CSMD1: variants seen among roughly 807,000 people sequenced by gnomAD.
CSMD1 encodes CUB and sushi domain-containing protein 1.
CSMD1 carries 213 observed loss-of-function variants against 417.5 expected under a neutral mutation model. The observed-to-expected ratio is 0.51, with a 90% CI of 0.46 to 0.57. The LOEUF (loss-of-function observed/expected upper bound fraction) is 0.57. CSMD1 is among the 20% of genes least tolerant of loss of function. CSMD1 has a pLI of 0.00. For missense variants in CSMD1, 6,923 were observed against 4,529.7 expected, an observed-to-expected ratio of 1.53 and a Z score of -15.17; for synonymous variants, 2,862 against 1,736.8, an observed-to-expected ratio of 1.65 and a Z score of -16.11.
chr8:3,628,305 T>C (rs954156828), intron 7 of CSMD1, among the ~76,000 whole-genome samples: 3 of 152,170 alleles, frequency 2.0e-5, no homozygotes, highest in East Asian at 3.9e-4. Context: ...TTGCAGCCCA[T>C]GCACACTTCT....
intron 1 of CSMD1, among the ~76,000 whole-genome samples, chr8:4,845,176 A>G (rs1801071868): frequency 6.6e-6 from 1 of 152,226 alleles, no homozygotes; most frequent in African/African-American, 2.4e-5. Flanking sequence ...TGAGAAGTAG[A>G]GTATAACACA....
intron 1 of CSMD1, among the ~76,000 whole-genome samples, chr8:4,832,608 T>A (rs1800219536): frequency 6.6e-6 from 1 of 152,188 alleles, no homozygotes; most frequent in Non-Finnish European, 1.5e-5. Context: ...AGCTGACACT[T>A]AGGGATTATA....
chr8:3,676,031 T>C (rs955179647), intron 7 of CSMD1, among the ~76,000 whole-genome samples: 2 of 152,246 alleles, frequency 1.3e-5, no homozygotes, highest in Non-Finnish European at 2.9e-5. Flanking sequence ...TTATCATTTA[T>C]GACAAATATA....
At chr8:3,577,732 A>G (rs1030748429) in intron 9 of CSMD1, among the ~76,000 whole-genome samples, 2 of 152,112 alleles carry the variant, frequency 1.3e-5, no homozygotes, top group Non-Finnish European at 2.9e-5. Flanking sequence ...TACTTTCTCA[A>G]TGTTTGCCTT....
At chr8:4,740,021 G>A (rs1389461238) in intron 1 of CSMD1, among the ~76,000 whole-genome samples, 2 of 152,052 alleles carry the variant, frequency 1.3e-5, no homozygotes. Flanking sequence ...CTGAGCTTCA[G>A]CATCCTGGCA....
Position 3,348,079 on chromosome 8 carries a change from C to G in CSMD1, c.3387G>C (p.Glu1129Asp). 3 of 1,612,392 alleles carry G rather than the reference C, an allele frequency of 1.9e-6. No individual in the cohort carries two copies. Among genetic ancestry groups the G allele is most frequent in the South Asian group, 1.1e-5 (1 of 90,864 alleles). ...NFPSNYDNNH[E>D]CIYKIETEAG... ...CTTCTGTTTCTATTTTATAGATACA[C>G]TCATGGTTATTATCATAATTGGATG... The change falls in exon 22 of 70, where the codon GAG becomes GAC. Residue 1129 changes from glutamate to aspartate, a missense_variant. By Grantham distance (45) the Glu-to-Asp change is conservative. Coordinates refer to ENST00000635120, the MANE Select transcript of CSMD1 (RefSeq NM_033225.6).
At chr8:3,260,249 A>T (rs572134469) in intron 26 of CSMD1, among the ~76,000 whole-genome samples, 9 of 152,062 alleles carry the variant, frequency 5.9e-5, no homozygotes, top group African/African-American at 2.2e-4. Context: ...CATTTTCTCA[A>T]AGTTGCTCTT....
chr8:3,703,626 A>G (rs1800998567), intron 7 of CSMD1, among the ~76,000 whole-genome samples: 1 of 152,178 alleles, frequency 6.6e-6, no homozygotes, highest in Non-Finnish European at 1.5e-5. Flanking sequence ...TAGGTCTGGT[A>G]GAAAAATTTC....
chr8:3,643,516 C>T (rs1033698313), intron 7 of CSMD1, among the ~76,000 whole-genome samples: 4 of 151,830 alleles, frequency 2.6e-5, no homozygotes, highest in Admixed American at 2.6e-4. Flanking sequence ...TCCTGGCTAA[C>T]ACAGTGAAAT....
At chr8:3,983,145 T>TTTTTTTTTTTTTG (rs1814024325) in intron 5 of CSMD1, among the ~76,000 whole-genome samples, 1 of 149,932 alleles carries the variant, frequency 6.7e-6, no homozygotes. Context: ...CTTTTTTTTT[T>TTTTTTTTTTTTTG]TTTGAGACGG....
At chr8:3,264,514 T>A (rs147340447) in intron 26 of CSMD1, among the ~76,000 whole-genome samples, 121 of 152,314 alleles carry the variant, frequency 7.9e-4, no homozygotes, top group African/African-American at 2.7e-3. Context: ...ATTTGAGAAC[T>A]GCACACTGAA....
chr8:3,198,704 T>A (rs1458773540), intron 33 of CSMD1, among the ~76,000 whole-genome samples: 4 of 152,162 alleles, frequency 2.6e-5, no homozygotes, highest in African/African-American at 9.7e-5. Flanking sequence ...ATTTCCCAAT[T>A]TGAGATGATT....
chr8:4,367,007 C>T (rs886446976), intron 3 of CSMD1, among the ~76,000 whole-genome samples: 1 of 152,262 alleles, frequency 6.6e-6, no homozygotes, highest in South Asian at 2.1e-4. Context: ...TCTGCTTACT[C>T]TGTTGATAAC....
intron 4 of CSMD1, among the ~76,000 whole-genome samples, chr8:4,003,677 T>C (rs1815880190): frequency 6.6e-6 from 1 of 152,206 alleles, no homozygotes; most frequent in African/African-American, 2.4e-5. Context: ...GATCTAGTTG[T>C]ATGTTCCTAA....
At chr8:4,660,114 C>CAA (rs33982434) in intron 1 of CSMD1, among the ~76,000 whole-genome samples, 3,065 of 122,652 alleles carry the variant, frequency 0.025, 102 homozygotes, top group Admixed American at 0.093. Flanking sequence ...TCAACCAGTG[C>CAA]AAAAAAAAAA....
At chr8:4,739,515 G>T (rs986056572) in intron 1 of CSMD1, among the ~76,000 whole-genome samples, 4 of 152,128 alleles carry the variant, frequency 2.6e-5, no homozygotes, top group Admixed American at 2.6e-4. Flanking sequence ...TCTGTGCTGT[G>T]ACTCAATGAT....
At chr8:3,793,753 G>C (rs972081422) in intron 5 of CSMD1, among the ~76,000 whole-genome samples, 1 of 151,972 alleles carries the variant, frequency 6.6e-6, no homozygotes, top group Non-Finnish European at 1.5e-5. Flanking sequence ...GATCTCTCTG[G>C]AACTGGTAGG....
intron 1 of CSMD1, among the ~76,000 whole-genome samples, chr8:4,790,490 T>G (rs1372137821): frequency 1.3e-5 from 2 of 152,164 alleles, no homozygotes; most frequent in African/African-American, 4.8e-5. Flanking sequence ...CTTCTAAAAT[T>G]TATTTGGAAC....
At chr8:2,969,587 A>G (rs888220521) in intron 57 of CSMD1, among the ~76,000 whole-genome samples, 8 of 152,172 alleles carry the variant, frequency 5.3e-5, no homozygotes, top group African/African-American at 1.9e-4. Context: ...TTTTTGACAG[A>G]TTTAGAGGAA....
Sources: allele counts gnomAD v4.1 joint callset (sites outside exome capture counted in the v4.1 genomes callset), GRCh38; gene constraint gnomAD v4.1.1; transcripts MANE v1.5; gene names NCBI Gene and HGNC (gene_info 2026-07-23, HGNC 2026-07-21).